MAN2B2: variants seen among roughly 807,000 people sequenced by gnomAD.
MAN2B2 encodes the protein epididymis-specific alpha-mannosidase.
MAN2B2 carries 106 observed loss-of-function variants against 117.1 expected under a neutral mutation model. That is an observed-to-expected ratio of 0.90 (90% confidence interval 0.77 to 1.06). MAN2B2 has a LOEUF of 1.06. Ranked by LOEUF, MAN2B2 falls within the 50% of genes least tolerant of loss-of-function variation. The pLI is 0.00. For synonymous variants in MAN2B2, 544 were observed against 595.1 expected (o/e 0.91, Z 1.25); for missense variants, 1,326 against 1,381.4 (o/e 0.96, Z 0.64).
At chr4:6,617,125 T>C (rs1711917522) in intron 16 of MAN2B2, among the ~76,000 whole-genome samples, 1 of 152,148 alleles carries the variant, frequency 6.6e-6, no homozygotes, top group Non-Finnish European at 1.5e-5. Context: ...ATGAGACTTA[T>C]TCACTATCAC....
chr4:6,603,883 TG>T, intron 10 of MAN2B2, among the ~76,000 whole-genome samples: 1 of 152,246 alleles, frequency 6.6e-6, no homozygotes, highest in African/African-American at 2.4e-5. Flanking sequence ...GGATAAAGGC[TG>T]GGTCGGGAGG....
chr4:6,580,534 T>TTTCTCACCGGGGCC (rs1560636150), intron 3 of MAN2B2, among the ~76,000 whole-genome samples: 2 of 151,944 alleles, frequency 1.3e-5, no homozygotes, highest in Non-Finnish European at 2.9e-5. Flanking sequence ...GCTCTGGGGC[T>TTTCTCACCGGGGCC]GTTTCTCACC....
intron 3 of MAN2B2, among the ~76,000 whole-genome samples, chr4:6,579,455 ACCCT>A (rs773497333): frequency 8.3e-6 from 1 of 121,016 alleles, no homozygotes; most frequent in East Asian, 2.7e-4. Context: ...CATCACCACC[ACCCT>A]TCACCACCAC....
chr4:6,584,113 C>A (rs1726545405), intron 3 of MAN2B2, among the ~76,000 whole-genome samples: 1 of 152,224 alleles, frequency 6.6e-6, no homozygotes, highest in South Asian at 2.1e-4. Flanking sequence ...TTTCTCACTT[C>A]TAGAGAGGCA....
chr4:6,604,549 G>A (rs913452732), intron 10 of MAN2B2, among the ~76,000 whole-genome samples: 6 of 152,016 alleles, frequency 3.9e-5, no homozygotes, highest in East Asian at 1.9e-4. Flanking sequence ...GCCGGACAGC[G>A]GGGAGCAGAA....
intron 6 of MAN2B2, 32 bp from the exon 7 acceptor site, chr4:6,594,502 C>T (rs150969369): frequency 8.3e-5 from 133 of 1,599,324 alleles, no homozygotes; most frequent in Non-Finnish European, 9.6e-5. Flanking sequence ...CCTGCTCCCA[C>T]GGCACAGGAT....
intron 5 of MAN2B2, 126 bp downstream of exon 5, chr4:6,589,286 G>A (rs971972017): frequency 2.8e-6 from 2 of 721,540 alleles, no homozygotes; most frequent in Non-Finnish European, 4.6e-6. Flanking sequence ...TGTTGCCCAG[G>A]CCGGAGTGCA....
intron 15 of MAN2B2, among the ~76,000 whole-genome samples, chr4:6,611,655 G>A (rs528374888): frequency 3.0e-4 from 46 of 152,286 alleles, no homozygotes; most frequent in African/African-American, 1.0e-3. Flanking sequence ...GCATGGTGGC[G>A]CATGCCTGTA....
At position 6,614,282 on chromosome 4, in the gene MAN2B2, C is replaced by A; in HGVS notation, c.2628C>A (p.His876Gln). ...CCGTGACGCTGCCCCCGAATCTTCACCTGCAGATCCTGAGCATCCCTGGCT... is the reference window on the plus strand; with the variant it reads ...CCGTGACGCTGCCCCCGAATCTTCAACTGCAGATCCTGAGCATCCCTGGCT... ...QEAVTLPPNL[H>Q]LQILSIPGWR... is the part of the protein sequence containing the mutation. Residue 876 changes from histidine (H) to glutamine (Q), a missense_variant, in exon 16 of 19, where the codon CAC becomes CAA. Physicochemically the swap from His to Gln is conservative, Grantham distance 24. Transcript: ENST00000285599. The A allele has an allele frequency of 6.2e-7, 1 of 1,614,132 alleles. No individual in the cohort carries two copies. Among genetic ancestry groups the A allele is most frequent in the South Asian group, 1.1e-5 (1 of 91,084 alleles).
intron 3 of MAN2B2, among the ~76,000 whole-genome samples, chr4:6,579,298 C>A (rs1560635012): frequency 2.1e-5 from 2 of 96,230 alleles, no homozygotes; most frequent in African/African-American, 7.3e-5. Flanking sequence ...ATCACCACCA[C>A]CATCACCACC....
Position 6,611,001 on chromosome 4 carries a change from CG to C in MAN2B2, c.2370+13del, listed in dbSNP as rs1727747438. ...AATGGGCAGGTGGAGGTAGGAGGCACGGTCTGTCCTACAGCAGCCCCTCGCG... is the reference window on the plus strand; with the variant it reads ...AATGGGCAGGTGGAGGTAGGAGGCACGTCTGTCCTACAGCAGCCCCTCGCG... On this transcript the variant is annotated intron_variant, in intron 14 of 18. Transcript: ENST00000285599. 1 of 1,613,884 alleles carries C rather than the reference CG, an allele frequency of 6.2e-7. No individual in the cohort carries two copies. The highest frequency in any genetic ancestry group is 1.3e-5 in the African/African-American group (1 of 74,920).
chr4:6,609,605 G>T, intron 12 of MAN2B2, 193 bp from the exon 13 acceptor site: 1 of 688,594 alleles, frequency 1.5e-6, no homozygotes, highest in East Asian at 2.7e-5. Flanking sequence ...CAGCCCTGCG[G>T]TGTCGGGGAA....
intron 3 of MAN2B2, among the ~76,000 whole-genome samples, chr4:6,582,588 C>T (rs553640901): frequency 2.0e-5 from 3 of 152,034 alleles, no homozygotes; most frequent in East Asian, 1.9e-4. Flanking sequence ...GATCCGCCCA[C>T]CTTGGCCTCC....
intron 10 of MAN2B2, among the ~76,000 whole-genome samples, chr4:6,603,682 G>A (rs544279082): frequency 1.3e-5 from 2 of 152,274 alleles, no homozygotes; most frequent in East Asian, 3.9e-4. Context: ...ACTGCCTGGG[G>A]CATCTATTCC....
At chr4:6,614,452 A>G in intron 16 of MAN2B2, 97 bp downstream of exon 16, 1 of 1,430,164 alleles carries the variant, frequency 7.0e-7, no homozygotes, top group South Asian at 1.3e-5. Context: ...CCTTAGAGCT[A>G]TCATGGCTCT....
Position 6,582,425 on chromosome 4 carries a change from A to G in MAN2B2, c.391+3927A>G, listed in dbSNP as rs57392427. ...GCAATCTCGGCTCACTGCAATCTCT[A>G]CCTCGCAGGTTCAAGCAATTCTTAT... On this transcript the variant is annotated intron_variant, in intron 3 of 18. Transcript: ENST00000285599. 4.0e-3 allele frequency among the ~76,000 whole-genome samples: 610 copies of G among 152,094 alleles called. 5 individuals carry two copies. The highest frequency in any genetic ancestry group is 0.014 in the African/African-American group (568 of 41,486).
At chr4:6,610,509 G>A (rs563280261) in intron 13 of MAN2B2, among the ~76,000 whole-genome samples, 1 of 152,008 alleles carries the variant, frequency 6.6e-6, no homozygotes, top group South Asian at 2.1e-4. Context: ...GGGCTTGAGC[G>A]TGCAGGCTGT....
rs750214368 is a variant in MAN2B2 at position 6,576,681 on chromosome 4, G to T, written c.242G>T (p.Arg81Leu). ...RFIAVEQEFF[R>L]LWWDGVASDQ... is the part of the protein sequence containing the mutation. The stretch of plus-strand genomic sequence containing the variant: ...ATCGCTGTGGAGCAGGAGTTTTTCC[G>T]GCTGTGGTGGGATGGCGTCGCCTCG... Residue 81 changes from arginine (R) to leucine (L), a missense_variant, in exon 2 of 19, where the codon CGG (arginine) becomes CTG (leucine). Coordinates refer to ENST00000285599, the MANE Select transcript of MAN2B2 (RefSeq NM_015274.3). The T allele has an allele frequency of 6.2e-7, 1 of 1,613,988 alleles. No individual in the cohort carries two copies. The highest frequency in any genetic ancestry group is 8.5e-7 in the Non-Finnish European group (1 of 1,179,992).
Position 6,615,657 on chromosome 4 carries a change from G to A in MAN2B2, c.2701+1302G>A, listed in dbSNP as rs541502086. 5.3e-5 allele frequency among the ~76,000 whole-genome samples: 8 copies of A among 152,090 alleles called. No individual in the cohort carries two copies. The East Asian group carries it at 7.8e-4, about 15-fold the overall frequency. On this transcript the variant is annotated intron_variant, in intron 16 of 18. Coordinates refer to ENST00000285599, the MANE Select transcript of MAN2B2 (RefSeq NM_015274.3). ...ACAAAAAAAAATTAAAAAATTAGGC[G>A]GGTGTGGTGATGCTTGCCTGTGGTC...
Sources: gnomAD v4.1 joint callset for allele counts (sites outside exome capture counted in the v4.1 genomes callset) on GRCh38, gnomAD v4.1.1 for gene constraint, MANE v1.5 for transcripts, NCBI Gene and HGNC (gene_info 2026-07-23, HGNC 2026-07-21) for gene names.